Variants in DYNC2I2 observed in about 807,000 individuals in gnomAD.
DYNC2I2 encodes the protein cytoplasmic dynein 2 intermediate chain 2.
DYNC2I2 carries 39 observed loss-of-function variants against 52.0 expected under a neutral mutation model. The observed-to-expected ratio is 0.75, with a 90% CI of 0.58 to 0.98. The LOEUF is 0.98. Ranked by LOEUF, DYNC2I2 falls within the 50% of genes least tolerant of loss-of-function variation. The pLI, the probability that DYNC2I2 is intolerant of heterozygous loss-of-function variation, is 0.00. For missense variants in DYNC2I2, 743 were observed against 728.4 expected (o/e 1.02, Z -0.23); for synonymous variants, 359 against 321.1 (o/e 1.12, Z -1.26).
chr9:128,651,944 AT>A (rs1860723445), intron 1 of DYNC2I2: 1 of 150,342 alleles, frequency 6.7e-6, no homozygotes, highest in South Asian at 2.1e-4. Context: ...AGAAAGAAAT[AT>A]AGCACATGTG....
chr9:128,659,591 C>G (rs1027167180), upstream of DYNC2I2, among the ~76,000 whole-genome samples: 1 of 151,352 alleles, frequency 6.6e-6, no homozygotes, highest in East Asian at 1.9e-4. Flanking sequence ...CATAGGGACA[C>G]CTCGTCTCTA....
chr9:128,636,535 G>A (rs1860419558), intron 3 of DYNC2I2, 97 bp from the exon 4 acceptor site: 2 of 1,389,954 alleles, frequency 1.4e-6, no homozygotes, highest in South Asian at 1.3e-5. Context: ...CACTCGCTGT[G>A]TCCTTGTCAC....
chr9:128,643,361 C>G (rs981917755), intron 1 of DYNC2I2, among the ~76,000 whole-genome samples: 1 of 152,080 alleles, frequency 6.6e-6, no homozygotes, highest in Non-Finnish European at 1.5e-5. Context: ...CCCGTCTCTA[C>G]TAAAAATACA....
chr9:128,634,986 C>A, intron 6 of DYNC2I2, 65 bp from the exon 7 acceptor site: 1 of 1,593,218 alleles, frequency 6.3e-7, no homozygotes, highest in Non-Finnish European at 8.6e-7. Flanking sequence ...CCCAACAGAG[C>A]CAGAGAACAG....
the DYNC2I2 span, among the ~76,000 whole-genome samples, chr9:128,672,500 T>TA: frequency 2.2e-3 from 279 of 128,326 alleles, no homozygotes; most frequent in Admixed American, 2.1e-3. Context: ...ACCCTGTCTC[T>TA]AAAAAAAAAA....
upstream of DYNC2I2, among the ~76,000 whole-genome samples, chr9:128,661,400 C>T (rs1429125829): frequency 6.6e-6 from 1 of 151,458 alleles, no homozygotes; most frequent in Admixed American, 6.6e-5. Context: ...GGGCAGATCA[C>T]CTGAGGTCAG....
At chr9:128,670,047 T>A in the DYNC2I2 span, among the ~76,000 whole-genome samples, 1 of 151,836 alleles carries the variant, frequency 6.6e-6, no homozygotes, top group African/African-American at 2.4e-5. Context: ...GTCTGAGGCA[T>A]GAAAATTGCT....
At chr9:128,667,558 G>A in the DYNC2I2 span, among the ~76,000 whole-genome samples, 5 of 148,530 alleles carry the variant, frequency 3.4e-5, no homozygotes, top group East Asian at 6.2e-4. Context: ...CTTGTGATCC[G>A]CCCGCCTCGT....
In DYNC2I2 at chr9:128,634,700, G is replaced by T. The variant is rs758155159; in HGVS notation, c.1203C>A (p.Ser401=). 3 of 1,569,284 alleles carry T rather than the reference G, an allele frequency of 1.9e-6. No individual in the cohort carries two copies. The highest frequency in any genetic ancestry group is 1.7e-6 in the Non-Finnish European group (2 of 1,156,852). Residue 401 remains serine, a synonymous_variant, in exon 7 of 9, where the codon TCC becomes TCA. Transcript: ENST00000372715. ...CCTGCCCTACGTACCTGTGGAAGGG[G>T]GAACAGCTCACAGAGTAGATGGGAC... ...HGGPIYSVSC[S]PFHRNLFLSA...
chr9:128,635,334 C>A, intron 5 of DYNC2I2, 75 bp from the exon 6 acceptor site: 1 of 1,494,444 alleles, frequency 6.7e-7, no homozygotes, highest in South Asian at 1.3e-5. Flanking sequence ...CCCCTACCCT[C>A]CCTCTCTTCC....
chr9:128,634,488 C>G, intron 7 of DYNC2I2, 105 bp from the exon 8 acceptor site: 1 of 1,445,206 alleles, frequency 6.9e-7, no homozygotes, highest in Non-Finnish European at 9.3e-7. Flanking sequence ...CGTGAAGAGC[C>G]TCCCGGGTCC....
At position 128,647,518 on chromosome 9, in the gene DYNC2I2, G is replaced by A. The variant is rs558817158; in HGVS notation, c.187-6579C>T. ...TGGGAGGCCAAGGCGGGTGGATCAC[G>A]AGGTCAGGAGATCGAGACCATCCTG... On this transcript the variant is annotated intron_variant, in intron 1 of 8. Coordinates refer to ENST00000372715, the MANE Select transcript of DYNC2I2 (RefSeq NM_052844.4). 3.1e-3 allele frequency among the ~76,000 whole-genome samples: 478 copies of A among 152,156 alleles called. 3 individuals carry two copies. Among genetic ancestry groups the A allele is most frequent in the African/African-American group, 0.011 (445 of 41,532 alleles).
chr9:128,640,565 C>T lies in DYNC2I2; in HGVS notation c.435+126G>A, dbSNP rs1161420204. On this transcript the variant is annotated intron_variant, in intron 2 of 8. Transcript: ENST00000372715. ...GAACCTAGCGCAGTACCAGGCAGGA[C>T]ATTAGAGCCTGGTGATTGCTGGCCG... The T allele has an allele frequency of 1.3e-5, 18 of 1,432,322 alleles. No homozygotes were observed. The African/African-American group carries it at 1.5e-4, about 12-fold the overall frequency. The allele number at this position is 1,432,322 out of a possible 1,614,324, so 88.7% of individuals were successfully genotyped here.
At chr9:128,671,470 CTTTTTTT>C in the DYNC2I2 span, among the ~76,000 whole-genome samples, 122 of 107,736 alleles carry the variant, frequency 1.1e-3, no homozygotes, top group African/African-American at 3.9e-3. Flanking sequence ...CTGGCTAATT[CTTTTTTT>C]TTTTTTTTTT....
chr9:128,663,952 C>CTTTT, the DYNC2I2 span, among the ~76,000 whole-genome samples: 23 of 101,984 alleles, frequency 2.3e-4, no homozygotes, highest in Non-Finnish European at 3.0e-4. Context: ...TGCACCCAGG[C>CTTTT]TTTTTTTTTT....
chr9:128,636,849 T>A, intron 3 of DYNC2I2, 69 bp downstream of exon 3: 2 of 1,230,146 alleles, frequency 1.6e-6, no homozygotes, highest in South Asian at 1.3e-5. Flanking sequence ...CCTGTGCAGC[T>A]ACAGAGACAA....
rs1316485095 is a variant in DYNC2I2 at position 128,650,968 on chromosome 9, T to C, written c.186+5573A>G. The C allele has an allele frequency of 3.4e-5, 2 of 58,534 alleles. 1 individual carries two copies. The highest frequency in any genetic ancestry group is 1.5e-4 in the Non-Finnish European group (2 of 13,654). The allele number at this position is 58,534 out of a possible 1,614,324, so 3.6% of individuals were successfully genotyped here. A position where few individuals can be genotyped will look rare whatever the true frequency, so the allele number is the denominator to read the frequency against. On this transcript the variant is annotated intron_variant, in intron 1 of 8. Transcript: ENST00000372715. ...AGGAGCACAACCGGCACCCAGAATCTGTCGCCGCTGCTTGAACACAGCCTG... is the reference window on the plus strand; with the variant it reads ...AGGAGCACAACCGGCACCCAGAATCCGTCGCCGCTGCTTGAACACAGCCTG...
chr9:128,673,307 A>G, the DYNC2I2 span, among the ~76,000 whole-genome samples: 2 of 152,174 alleles, frequency 1.3e-5, no homozygotes, highest in East Asian at 1.9e-4. Context: ...TGTCAAAAAC[A>G]TTTGTTAATG....
chr9:128,657,472 G>C (rs749489861), upstream of DYNC2I2, among the ~76,000 whole-genome samples: 15 of 151,900 alleles, frequency 9.9e-5, no homozygotes, highest in Non-Finnish European at 1.8e-4. Context: ...AAAAAAACTG[G>C]AGATTCTGAC....
Sources: allele counts gnomAD v4.1 joint callset (sites outside exome capture counted in the v4.1 genomes callset), GRCh38; gene constraint gnomAD v4.1.1; transcripts MANE v1.5; gene names NCBI Gene and HGNC (gene_info 2026-07-23, HGNC 2026-07-21).